KLF7: variants seen among roughly 807,000 people sequenced by gnomAD.
The protein encoded by KLF7 is KLF transcription factor 7.
In KLF7, 2 loss-of-function variants were observed where a neutral mutation model predicts 27.3. The ratio of observed to expected loss-of-function variants is 0.07; its 90% CI spans 0.03 to 0.23. The LOEUF is 0.23. Among genes scored for constraint, KLF7 ranks in the 10% least tolerant of loss-of-function variants. KLF7 has a pLI of 1.00. For synonymous variants in KLF7, 165 were observed against 162.4 expected, an observed-to-expected ratio of 1.02 and a Z score of -0.12; for missense variants, 221 against 394.1, an observed-to-expected ratio of 0.56 and a Z score of 3.72.
intron 2 of KLF7, among the ~76,000 whole-genome samples, chr2:207,098,777 A>G (rs1398978744): frequency 4.0e-5 from 3 of 75,456 alleles, no homozygotes; most frequent in African/African-American, 1.8e-4. Flanking sequence ...ACACTTGGCT[A>G]ATTTTTTTTT....
intron 3 of KLF7, among the ~76,000 whole-genome samples, chr2:207,082,823 T>C (rs1198408944): frequency 5.3e-5 from 8 of 152,180 alleles, no homozygotes; most frequent in East Asian, 3.8e-4. Context: ...CCTATGTTTG[T>C]TCATTCTTAA....
intron 3 of KLF7, among the ~76,000 whole-genome samples, chr2:207,086,178 G>A (rs2076384017): frequency 2.0e-5 from 3 of 152,078 alleles, no homozygotes; most frequent in Non-Finnish European, 4.4e-5. Context: ...TATATACTGC[G>A]GTACCAACAG....
intron 1 of KLF7, among the ~76,000 whole-genome samples, chr2:207,152,550 C>A (rs187741513): frequency 4.6e-5 from 7 of 152,232 alleles, no homozygotes; most frequent in Admixed American, 1.3e-4. Flanking sequence ...AACTGCTAAG[C>A]CCAGGCAGGG....
At chr2:207,115,189 A>G (rs202239110) in intron 2 of KLF7, among the ~76,000 whole-genome samples, 49 of 151,072 alleles carry the variant, frequency 3.2e-4, no homozygotes, top group East Asian at 1.4e-3. Context: ...AAAAAAAAAA[A>G]GGGGGGGTAT....
chr2:207,110,475 G>A (rs1431683987), intron 2 of KLF7, among the ~76,000 whole-genome samples: 1 of 152,204 alleles, frequency 6.6e-6, no homozygotes, highest in East Asian at 1.9e-4. Flanking sequence ...ATATGATGGT[G>A]TGGCTCTTCA....
intron 2 of KLF7, among the ~76,000 whole-genome samples, chr2:207,118,533 C>T (rs1472855869): frequency 2.6e-5 from 4 of 152,078 alleles, no homozygotes; most frequent in Admixed American, 6.5e-5. Context: ...GACTTGTTTC[C>T]CCTTTATTAG....
intron 2 of KLF7, among the ~76,000 whole-genome samples, chr2:207,115,469 G>C (rs1464059541): frequency 2.0e-5 from 3 of 152,236 alleles, no homozygotes; most frequent in Non-Finnish European, 4.4e-5. Context: ...ATTGGTGACT[G>C]AACATGGGGA....
rs567968936 is a variant in KLF7, at chr2:207,090,489, G to A, written c.734-1908C>T. On this transcript the variant is annotated intron_variant, in intron 2 of 3. Transcript: ENST00000309446. ...ATAGTGAGGTTTCAATCAGTTGTGC[G>A]TAAGAAACGTTTGTTCAGCCTTGCA... 9.9e-5 allele frequency among the ~76,000 whole-genome samples: 15 copies of A among 152,246 alleles called. No individual in the cohort carries two copies. In the South Asian group the frequency reaches 1.5e-3, roughly 15 times the overall value.
chr2:207,138,760 G>A (rs909938145), intron 1 of KLF7, among the ~76,000 whole-genome samples: 3 of 152,066 alleles, frequency 2.0e-5, no homozygotes, highest in African/African-American at 7.2e-5. Context: ...ACCACATACC[G>A]GAACACTGCT....
chr2:207,087,906 G>C (rs1227516821), intron 3 of KLF7, among the ~76,000 whole-genome samples: 2 of 151,996 alleles, frequency 1.3e-5, no homozygotes. Context: ...GTCATTTTTT[G>C]CACCCTTGTA....
At chr2:207,095,591 G>A (rs2076611658) in intron 2 of KLF7, among the ~76,000 whole-genome samples, 1 of 152,204 alleles carries the variant, frequency 6.6e-6, no homozygotes, top group African/African-American at 2.4e-5. Flanking sequence ...ATAGCAACGA[G>A]CGCTTGAAAT....
intron 1 of KLF7, among the ~76,000 whole-genome samples, chr2:207,164,758 G>A (rs2078651716): frequency 6.6e-6 from 1 of 152,106 alleles, no homozygotes. Flanking sequence ...ACTAGAGAAG[G>A]ACCCTAAACA....
rs79406389 is a variant in KLF7 at position 207,086,907 on chromosome 2, G to A, written c.857+1551C>T. On this transcript the variant is annotated intron_variant, in intron 3 of 3. Coordinates refer to ENST00000309446, the MANE Select transcript of KLF7 (RefSeq NM_003709.4). ...TCACAAAGAATTCACCTTGGTCCCA[G>A]TTGATGTAACAGAACACTCTCCTTC... Among the ~76,000 whole-genome samples, 104 of 152,338 alleles carry A rather than the reference G, an allele frequency of 6.8e-4. 1 individual carries two copies. Among genetic ancestry groups the A allele is most frequent in the African/African-American group, 2.4e-3 (100 of 41,580 alleles).
intron 2 of KLF7, among the ~76,000 whole-genome samples, chr2:207,118,064 T>C (rs189350073): frequency 4.6e-5 from 7 of 152,340 alleles, no homozygotes; most frequent in African/African-American, 7.2e-5. Flanking sequence ...TGTAAGCCTA[T>C]AGGTCAGGAG....
intron 3 of KLF7, among the ~76,000 whole-genome samples, chr2:207,086,090 G>A (rs748186479): frequency 6.6e-6 from 1 of 151,986 alleles, no homozygotes; most frequent in Non-Finnish European, 1.5e-5. Context: ...TTAAGGAAAG[G>A]AAGTCTAAAC....
At chr2:207,110,910 G>A (rs2077019158) in intron 2 of KLF7, among the ~76,000 whole-genome samples, 1 of 152,156 alleles carries the variant, frequency 6.6e-6, no homozygotes, top group South Asian at 2.1e-4. Context: ...GGTTGCATTA[G>A]GCCAGGGTTT....
intron 2 of KLF7, among the ~76,000 whole-genome samples, chr2:207,105,908 G>A (rs1022136277): frequency 6.6e-6 from 1 of 152,132 alleles, no homozygotes; most frequent in African/African-American, 2.4e-5. Flanking sequence ...TGCTCTAAGT[G>A]TAAAATACGC....
intron 2 of KLF7, among the ~76,000 whole-genome samples, chr2:207,108,909 C>G (rs931485230): frequency 6.6e-6 from 1 of 152,206 alleles, no homozygotes; most frequent in Non-Finnish European, 1.5e-5. Context: ...CCTAGCAAAG[C>G]TCTGGTGTAA....
intron 1 of KLF7, among the ~76,000 whole-genome samples, chr2:207,160,299 G>C (rs1388194654): frequency 1.3e-5 from 2 of 152,166 alleles, no homozygotes; most frequent in Admixed American, 6.5e-5. Context: ...ACTGGACAGA[G>C]GAAATCTCTG....
Sources: gnomAD v4.1 joint callset for allele counts (sites outside exome capture counted in the v4.1 genomes callset) on GRCh38, gnomAD v4.1.1 for gene constraint, MANE v1.5 for transcripts, NCBI Gene and HGNC (gene_info 2026-07-23, HGNC 2026-07-21) for gene names.